ZHX3: variants seen among roughly 807,000 people sequenced by gnomAD.
ZHX3 encodes the protein zinc fingers and homeoboxes 3.
In ZHX3, 20 loss-of-function variants were observed where a neutral mutation model predicts 64.5. The observed-to-expected ratio is 0.31, with a 90% CI of 0.22 to 0.45. The LOEUF (loss-of-function observed/expected upper bound fraction) is 0.45, where lower values mean the gene tolerates loss of function less well. Ranked by LOEUF, ZHX3 falls within the 20% of genes least tolerant of loss-of-function variation. The pLI is 1.00. For missense variants in ZHX3, 1,041 were observed against 1,195.8 expected, an observed-to-expected ratio of 0.87 and a Z score of 1.91; for synonymous variants, 423 against 461.6, an observed-to-expected ratio of 0.92 and a Z score of 1.07.
intron 2 of ZHX3, among the ~76,000 whole-genome samples, chr20:41,256,839 T>A (rs560126569): frequency 6.6e-6 from 1 of 151,900 alleles, no homozygotes; most frequent in African/African-American, 2.4e-5. Flanking sequence ...ATTTTTAAAA[T>A]AGATTTAGGT....
At chr20:41,296,232 TAAAAAAAAA>T (rs57987896) in intron 1 of ZHX3, among the ~76,000 whole-genome samples, 1,593 of 72,520 alleles carry the variant, frequency 0.022, 9 homozygotes, top group African/African-American at 0.073. Context: ...GTTCATAAAG[TAAAAAAAAA>T]AAAAAAAAAA....
At chr20:41,233,414 C>G (rs984472857) in intron 2 of ZHX3, among the ~76,000 whole-genome samples, 6 of 152,188 alleles carry the variant, frequency 3.9e-5, no homozygotes, top group Admixed American at 3.3e-4. Flanking sequence ...AAAAGACATT[C>G]AATGAGCTCA....
At chr20:41,238,166 A>G (rs1448946024) in intron 2 of ZHX3, among the ~76,000 whole-genome samples, 3 of 152,212 alleles carry the variant, frequency 2.0e-5, no homozygotes, top group African/African-American at 7.2e-5. Flanking sequence ...ATGGGGAATG[A>G]ACTTCAGTTT....
rs866813785 is a variant in ZHX3 at position 41,258,390 on chromosome 20, C to T, written c.-151+10600G>A. ...ACTAAACCAAAGACCTTATTCAAGT[C>T]GTACCGGTTTTTTCTACCGATGTCC... On this transcript the variant is annotated intron_variant, in intron 2 of 3. Transcript: ENST00000683867. Among the ~76,000 whole-genome samples, 10 of 152,212 alleles carry T rather than the reference C, an allele frequency of 6.6e-5. No homozygotes were observed. In the Middle Eastern group the frequency reaches 0.014, roughly 207 times the overall value.
intron 2 of ZHX3, among the ~76,000 whole-genome samples, chr20:41,248,409 G>A (rs6029587): frequency 0.58 from 88,021 of 151,998 alleles, 26,815 homozygotes; most frequent in East Asian, 0.81. Context: ...CAGTTACTTG[G>A]GAAATGTTTG....
chr20:41,277,038 G>A (rs1201102506), intron 1 of ZHX3, among the ~76,000 whole-genome samples: 1 of 152,164 alleles, frequency 6.6e-6, no homozygotes, highest in Non-Finnish European at 1.5e-5. Flanking sequence ...AATTTCTGGT[G>A]GTAAAAATCA....
At position 41,217,412 on chromosome 20, in the gene ZHX3, A is replaced by T. The variant is rs983024485; in HGVS notation, c.-150-12346T>A. Among the ~76,000 whole-genome samples, 106 of 148,010 alleles carry T rather than the reference A, an allele frequency of 7.2e-4. 2 individuals carry two copies. The highest frequency in any genetic ancestry group is 6.0e-3 in the Admixed American group (91 of 15,128). ...ATGTACATTTGACATTTTCATAATT[A>T]AAAAAAAATTAAAAGCTCGAGACAT... On this transcript the variant is annotated intron_variant, in intron 2 of 3. Coordinates refer to ENST00000683867, the MANE Select transcript of ZHX3 (RefSeq NM_001384317.1).
intron 2 of ZHX3, among the ~76,000 whole-genome samples, chr20:41,249,669 C>T (rs2041890924): frequency 6.6e-6 from 1 of 152,150 alleles, no homozygotes; most frequent in South Asian, 2.1e-4. Flanking sequence ...ATCTTAGCAT[C>T]CAAAAGATGA....
chr20:41,240,219 A>C (rs1259647920), intron 2 of ZHX3, among the ~76,000 whole-genome samples: 1 of 152,064 alleles, frequency 6.6e-6, no homozygotes, highest in Non-Finnish European at 1.5e-5. Flanking sequence ...CAGGCTGGTC[A>C]ACAGGCCATT....
Position 41,184,512 on chromosome 20 carries a change from AT to A in ZHX3, c.*678del. The stretch of plus-strand genomic sequence containing the variant: ...CCAACGCTAATCACATTGCCAGTCC[AT>A]TTTTTGAACTGAGGGTTACAGCAGG... On this transcript the variant is annotated 3_prime_UTR_variant, in exon 4 of 4. Coordinates refer to ENST00000683867, the MANE Select transcript of ZHX3 (RefSeq NM_001384317.1). The A allele has an allele frequency of 5.6e-6, 1 of 179,356 alleles. No individual in the cohort carries two copies. Among genetic ancestry groups the A allele is most frequent in the Non-Finnish European group, 1.2e-5 (1 of 85,470 alleles). The allele number at this position is 179,356 out of a possible 1,614,324, so 11.1% of individuals were successfully genotyped here.
intron 1 of ZHX3, among the ~76,000 whole-genome samples, chr20:41,292,829 C>CA (rs1319740253): frequency 6.6e-6 from 1 of 152,050 alleles, no homozygotes; most frequent in East Asian, 1.9e-4. Context: ...ATTAATAACT[C>CA]AAAAAAACAG....
intron 1 of ZHX3, among the ~76,000 whole-genome samples, chr20:41,294,943 C>A (rs1410125839): frequency 6.6e-6 from 1 of 152,168 alleles, no homozygotes; most frequent in African/African-American, 2.4e-5. Context: ...GTGATCCATG[C>A]GCCTCGGCCT....
chr20:41,316,930 C>T (rs1295119358), intron 1 of ZHX3: 1 of 152,272 alleles, frequency 6.6e-6, no homozygotes, highest in African/African-American at 2.4e-5. Flanking sequence ...ACAAGGGTCC[C>T]AAGATTCAGG....
intron 2 of ZHX3, among the ~76,000 whole-genome samples, chr20:41,238,113 G>A (rs981161350): frequency 6.6e-6 from 1 of 152,152 alleles, no homozygotes; most frequent in Admixed American, 6.5e-5. Context: ...AAAAACCGGG[G>A]TCAATCATTA....
intron 1 of ZHX3, among the ~76,000 whole-genome samples, chr20:41,316,193 G>GCT (rs2045283780): frequency 6.6e-6 from 1 of 152,142 alleles, no homozygotes; most frequent in Non-Finnish European, 1.5e-5. Context: ...TTACATAGTG[G>GCT]CTCTGTCCTC....
intron 2 of ZHX3, among the ~76,000 whole-genome samples, chr20:41,255,212 C>A (rs766161637): frequency 8.5e-5 from 13 of 152,052 alleles, no homozygotes; most frequent in African/African-American, 2.2e-4. Flanking sequence ...AGTGCAGTGG[C>A]GCCATCTCGG....
intron 1 of ZHX3, chr20:41,317,212 C>A (rs1477547943): frequency 6.6e-6 from 1 of 152,434 alleles, no homozygotes; most frequent in Admixed American, 6.5e-5. Flanking sequence ...GCTACCCTGA[C>A]CCCTAGGACC....
intron 1 of ZHX3, among the ~76,000 whole-genome samples, chr20:41,304,139 A>C (rs1274484324): frequency 4.6e-5 from 7 of 151,234 alleles, no homozygotes; most frequent in Non-Finnish European, 1.5e-5. Context: ...CTGTCTGTCT[A>C]CTCCTACTTG....
At chr20:41,299,208 A>G (rs1192630802) in intron 1 of ZHX3, among the ~76,000 whole-genome samples, 1 of 152,230 alleles carries the variant, frequency 6.6e-6, no homozygotes, top group Non-Finnish European at 1.5e-5. Flanking sequence ...GGGCAGTCTT[A>G]TTCCATTTGA....
Sources: gnomAD v4.1 joint callset for allele counts (sites outside exome capture counted in the v4.1 genomes callset) on GRCh38, gnomAD v4.1.1 for gene constraint, MANE v1.5 for transcripts, NCBI Gene and HGNC (gene_info 2026-07-23, HGNC 2026-07-21) for gene names.